Variants in DAB1 observed in about 807,000 individuals in gnomAD.
The protein encoded by DAB1 is disabled homolog 1.
DAB1 carries 15 observed loss-of-function variants against 64.6 expected under a neutral mutation model. The ratio of observed to expected loss-of-function variants is 0.23; its 90% confidence interval spans 0.16 to 0.36. DAB1 has a LOEUF of 0.36. DAB1 is among the 10% of genes least tolerant of loss of function. The pLI, the probability that DAB1 is intolerant of heterozygous loss-of-function variation, is 1.00. For missense variants in DAB1, 596 were observed against 706.7 expected (o/e 0.84, Z 1.78); for synonymous variants, 235 against 251.9 (o/e 0.93, Z 0.64).
At chr1:57,253,400 G>T (rs755588803) in intron 2 of DAB1, among the ~76,000 whole-genome samples, 7 of 152,122 alleles carry the variant, frequency 4.6e-5, no homozygotes, top group Non-Finnish European at 1.0e-4. Context: ...TTTGGCTCCT[G>T]TGTCTGATTT....
At chr1:58,023,619 C>T (rs1646845677) in intron 5 of DAB1, among the ~76,000 whole-genome samples, 1 of 152,120 alleles carries the variant, frequency 6.6e-6, no homozygotes, top group Admixed American at 6.5e-5. Context: ...AAATAATTGT[C>T]AAATGAATGA....
At chr1:57,299,411 G>A (rs2100693307) in intron 1 of DAB1, among the ~76,000 whole-genome samples, 1 of 152,308 alleles carries the variant, frequency 6.6e-6, no homozygotes, top group Non-Finnish European at 1.5e-5. Context: ...AAGGCAAAGA[G>A]GGAGGGAATA....
chr1:58,465,300 C>T (rs1350920189), intron 3 of DAB1, among the ~76,000 whole-genome samples: 4 of 152,268 alleles, frequency 2.6e-5, no homozygotes, highest in East Asian at 3.9e-4. Flanking sequence ...AGGCAAACGC[C>T]CTGCATGACC....
At chr1:57,101,544 A>G (rs1374632359) in intron 4 of DAB1, among the ~76,000 whole-genome samples, 1 of 152,232 alleles carries the variant, frequency 6.6e-6, no homozygotes, top group Non-Finnish European at 1.5e-5. Context: ...TCAAGTTCCA[A>G]CAAAGGAGAG....
chr1:57,841,169 C>A (rs1211303040), intron 1 of DAB1, among the ~76,000 whole-genome samples: 1 of 152,182 alleles, frequency 6.6e-6, no homozygotes, highest in African/African-American at 2.4e-5. Flanking sequence ...CTTAAAGGTC[C>A]AAAATAATCT....
intron 9 of DAB1, among the ~76,000 whole-genome samples, chr1:57,026,568 A>G (rs1399040596): frequency 6.6e-6 from 1 of 152,220 alleles, no homozygotes; most frequent in African/African-American, 2.4e-5. Context: ...ATGTGGCATC[A>G]AGGTCATCCA....
intron 4 of DAB1, among the ~76,000 whole-genome samples, chr1:58,327,865 A>T (rs1662871901): frequency 6.6e-6 from 1 of 152,190 alleles, no homozygotes; most frequent in African/African-American, 2.4e-5. Context: ...ATTAGTAAGC[A>T]GTCCACATTT....
At chr1:58,491,546 T>C (rs370106331) in intron 3 of DAB1, among the ~76,000 whole-genome samples, 17,702 of 151,646 alleles carry the variant, frequency 0.12, 1,210 homozygotes, top group African/African-American at 0.18. Context: ...CACACATAGG[T>C]TCAAAATAAA....
chr1:57,408,968 A>G (rs1000590707), intron 1 of DAB1, among the ~76,000 whole-genome samples: 3 of 152,154 alleles, frequency 2.0e-5, no homozygotes, highest in Non-Finnish European at 2.9e-5. Context: ...AGGGGAAGAC[A>G]GGGTATTTAT....
At chr1:57,347,020 T>G (rs1041092308) in intron 1 of DAB1, among the ~76,000 whole-genome samples, 1 of 152,174 alleles carries the variant, frequency 6.6e-6, no homozygotes, top group Non-Finnish European at 1.5e-5. Context: ...ATATACCTTT[T>G]CTAATGTTAG....
intron 2 of DAB1, among the ~76,000 whole-genome samples, chr1:57,154,394 A>T (rs563624057): frequency 1.3e-5 from 2 of 152,362 alleles, no homozygotes; most frequent in South Asian, 4.1e-4. Context: ...ATGACGGAAT[A>T]GTACTCCATT....
intron 3 of DAB1, among the ~76,000 whole-genome samples, chr1:58,403,250 C>A (rs1309429939): frequency 2.0e-5 from 3 of 151,828 alleles, no homozygotes; most frequent in African/African-American, 7.3e-5. Context: ...TAAGGAAATG[C>A]CCTTTTTTGC....
At chr1:58,088,016 C>T (rs1022179307) in intron 5 of DAB1, among the ~76,000 whole-genome samples, 7 of 152,190 alleles carry the variant, frequency 4.6e-5, no homozygotes, top group African/African-American at 1.7e-4. Flanking sequence ...TTCTATCAAC[C>T]ATTTCCTCCA....
At chr1:57,197,266 C>T (rs1425218999) in intron 2 of DAB1, among the ~76,000 whole-genome samples, 5 of 151,908 alleles carry the variant, frequency 3.3e-5, no homozygotes, top group Admixed American at 3.3e-4. Context: ...ATCGCTTGAA[C>T]CCAGGAGGTA....
Position 57,010,763 on chromosome 1 carries a change from T to G in DAB1, c.1600A>C (p.Ser534Arg). Reference sequence around the variant, plus strand: ...CCACTGGGCTCACCAAATGGATCACTGTTGGATGAGGCCTGTGATCCATCA... The same window carrying G: ...CCACTGGGCTCACCAAATGGATCACGGTTGGATGAGGCCTGTGATCCATCA... ...APDGSQASSN[S>R]DPFGEPSGEP... Residue 534 changes from serine to arginine, a missense_variant, in exon 14 of 15, where the codon AGT becomes CGT. Around this residue, in one of 3 missense-constraint regions of DAB1, gnomAD observed 377 missense variants for 400.4 expected, o/e 0.94. Transcript: ENST00000371236. 1 of 1,596,116 alleles carries G rather than the reference T, an allele frequency of 6.3e-7. No homozygotes were observed. Among genetic ancestry groups the G allele is most frequent in the Non-Finnish European group, 8.6e-7 (1 of 1,169,052 alleles).
chr1:58,084,344 T>C (rs1429113190), intron 5 of DAB1: 1 of 152,616 alleles, frequency 6.6e-6, no homozygotes, highest in East Asian at 1.9e-4. Context: ...TCTGCCTTTC[T>C]CTTCTGCTGG....
intron 4 of DAB1, among the ~76,000 whole-genome samples, chr1:58,151,526 G>A (rs894184114): frequency 2.0e-5 from 3 of 152,124 alleles, no homozygotes; most frequent in Admixed American, 1.3e-4. Context: ...TTTTTGTTAA[G>A]TATTCTTCTC....
At chr1:57,452,166 C>CCTTTTTTTTTT (rs367685387) in intron 7 of DAB1, among the ~76,000 whole-genome samples, 2 of 75,010 alleles carry the variant, frequency 2.7e-5, no homozygotes, top group Non-Finnish European at 2.3e-5. Context: ...TGCACCCCCC[C>CCTTTTTTTTTT]TTTTTTTTTT....
Position 56,997,776 on chromosome 1 carries a change from A to C in DAB1, c.*368T>G, listed in dbSNP as rs1645686436. ...TCAACAGTGGTCAACAGGTAGAGAA[A>C]TAAAAAGGGAATTAATAATTTTGCA... On this transcript the variant is annotated 3_prime_UTR_variant, in exon 15 of 15. Transcript: ENST00000371236. 6.6e-6 allele frequency: 1 copy of C among 152,220 alleles called. No individual in the cohort carries two copies. The highest frequency in any genetic ancestry group is 1.5e-5 in the Non-Finnish European group (1 of 68,036). The allele number at this position is 152,220 out of a possible 1,614,324, so 9.4% of individuals were successfully genotyped here. A position where few individuals can be genotyped will look rare whatever the true frequency, so the allele number is the denominator to read the frequency against.
Sources: allele counts gnomAD v4.1 joint callset (sites outside exome capture counted in the v4.1 genomes callset), GRCh38; gene constraint gnomAD v4.1.1; regional missense constraint gnomAD v4.1.1; transcripts MANE v1.5; gene names NCBI Gene and HGNC (gene_info 2026-07-23, HGNC 2026-07-21).